The following AFG2A variants were observed in gnomAD, a reference collection of about 807,000 sequenced individuals.
The protein encoded by AFG2A is ATPase family gene 2 protein homolog A.
the AFG2A span, among the ~76,000 whole-genome samples, chr4:122,945,428 G>A: frequency 6.6e-6 from 1 of 152,230 alleles, no homozygotes; most frequent in South Asian, 2.1e-4. Context: ...GAGACTCCGT[G>A]GGCGTAGGAC....
At chr4:123,314,967 G>A in the AFG2A span, 2 of 151,748 alleles carry the variant, frequency 1.3e-5, no homozygotes, top group Non-Finnish European at 2.9e-5. Context: ...TGTTAGCCAG[G>A]CCGGTCTCGA....
the AFG2A span, among the ~76,000 whole-genome samples, chr4:123,113,054 G>A: frequency 6.6e-6 from 1 of 152,090 alleles, no homozygotes; most frequent in Non-Finnish European, 1.5e-5. Context: ...ATAAATATTT[G>A]ATGAGTATCA....
At chr4:122,936,232 A>G in the AFG2A span, 1 of 1,103,724 alleles carries the variant, frequency 9.1e-7, no homozygotes, top group Non-Finnish European at 1.3e-6. Context: ...AGCACCTTAT[A>G]CAAAGCATAA....
the AFG2A span, among the ~76,000 whole-genome samples, chr4:123,189,832 T>C: frequency 6.8e-6 from 1 of 146,764 alleles, no homozygotes; most frequent in South Asian, 2.2e-4. Context: ...TTTTTTTTTT[T>C]TGGAGACAGG....
chr4:122,927,877 C>T, the AFG2A span: 3 of 1,367,204 alleles, frequency 2.2e-6, no homozygotes, highest in Non-Finnish European at 3.0e-6. Context: ...CTCATTGGAA[C>T]ATTTTGGATT....
chr4:123,197,605 T>G, the AFG2A span, among the ~76,000 whole-genome samples: 1 of 151,686 alleles, frequency 6.6e-6, no homozygotes, highest in South Asian at 2.1e-4. Context: ...CCGTCTCTAC[T>G]AAAAATACAA....
chr4:123,024,236 A>AC, the AFG2A span, among the ~76,000 whole-genome samples: 1 of 151,274 alleles, frequency 6.6e-6, no homozygotes, highest in South Asian at 2.1e-4. Flanking sequence ...GCAAAAAAAA[A>AC]AAAAAGAAAC....
chr4:123,139,254 C>G, the AFG2A span, among the ~76,000 whole-genome samples: 1 of 152,098 alleles, frequency 6.6e-6, no homozygotes, highest in Non-Finnish European at 1.5e-5. Flanking sequence ...GTAGCAATCA[C>G]TGTCTTGTTC....
At chr4:122,941,571 G>A in the AFG2A span, among the ~76,000 whole-genome samples, 1,986 of 152,152 alleles carry the variant, frequency 0.013, 1 homozygote, top group Non-Finnish European at 0.017. Flanking sequence ...CAATCATGTT[G>A]TCTGCAAACA....
the AFG2A span, among the ~76,000 whole-genome samples, chr4:123,226,890 C>T: frequency 2.6e-5 from 4 of 152,190 alleles, no homozygotes; most frequent in East Asian, 5.8e-4. Flanking sequence ...ATTTCAGAGC[C>T]TGTTATTGGT....
At chr4:122,939,260 T>G in the AFG2A span, among the ~76,000 whole-genome samples, 10 of 151,986 alleles carry the variant, frequency 6.6e-5, no homozygotes, top group Non-Finnish European at 1.0e-4. Context: ...TGATTTTGTA[T>G]TTTTAGTAGA....
At chr4:123,222,384 TA>T in the AFG2A span, among the ~76,000 whole-genome samples, 17 of 152,220 alleles carry the variant, frequency 1.1e-4, no homozygotes, top group African/African-American at 4.1e-4. Flanking sequence ...CAAAAGTTCT[TA>T]AACACTAATA....
At chr4:123,140,057 G>T in the AFG2A span, among the ~76,000 whole-genome samples, 5 of 152,032 alleles carry the variant, frequency 3.3e-5, no homozygotes, top group Non-Finnish European at 7.4e-5. Context: ...CATAGTTCTT[G>T]AAGGCTAAAA....
the AFG2A span, among the ~76,000 whole-genome samples, chr4:123,182,020 A>T: frequency 6.6e-6 from 1 of 151,720 alleles, no homozygotes; most frequent in African/African-American, 2.4e-5. Context: ...TACTTACTAG[A>T]CTCTCTGGTT....
chr4:123,305,620 A>C, the AFG2A span, among the ~76,000 whole-genome samples: 4 of 152,166 alleles, frequency 2.6e-5, no homozygotes, highest in Non-Finnish European at 4.4e-5. Flanking sequence ...ATAGGGCCCA[A>C]CGTTTTCAGC....
chr4:123,226,064 A>G, the AFG2A span, among the ~76,000 whole-genome samples: 1 of 152,142 alleles, frequency 6.6e-6, no homozygotes, highest in Non-Finnish European at 1.5e-5. Context: ...TTGATTTTGT[A>G]TCCTGAGAGT....
chr4:123,142,721 A>G, the AFG2A span, among the ~76,000 whole-genome samples: 1 of 152,164 alleles, frequency 6.6e-6, no homozygotes, highest in Admixed American at 6.5e-5. Flanking sequence ...AATGGCTGTG[A>G]AAAGTACTTC....
the AFG2A span, among the ~76,000 whole-genome samples, chr4:123,030,660 G>A: frequency 6.6e-6 from 1 of 152,194 alleles, no homozygotes; most frequent in Non-Finnish European, 1.5e-5. Flanking sequence ...TGGTTCGACA[G>A]TATTATTCAA....
chr4:122,996,493 A>G, the AFG2A span, among the ~76,000 whole-genome samples: 1 of 152,038 alleles, frequency 6.6e-6, no homozygotes, highest in Admixed American at 6.6e-5. Flanking sequence ...AATGGGATGG[A>G]TGGATGGATA....
Sources: allele counts gnomAD v4.1 joint callset (sites outside exome capture counted in the v4.1 genomes callset), GRCh38; gene constraint gnomAD v4.1.1; transcripts MANE v1.5; gene names NCBI Gene and HGNC (gene_info 2026-07-23, HGNC 2026-07-21).